Variants in TPP2 observed in about 807,000 individuals in gnomAD.
TPP2 encodes tripeptidyl peptidase 2, also known as tripeptidyl-peptidase 2.
In TPP2, 34 loss-of-function variants were observed where a neutral mutation model predicts 155.9. The ratio of observed to expected loss-of-function variants is 0.22; its 90% confidence interval spans 0.17 to 0.29. TPP2 has a LOEUF of 0.29. Ranked by LOEUF, TPP2 falls within the 10% of genes least tolerant of loss-of-function variation. The pLI, the probability that TPP2 is intolerant of heterozygous loss-of-function variation, is 1.00. For missense variants in TPP2, 1,028 were observed against 1,522.3 expected, an observed-to-expected ratio of 0.68 and a Z score of 5.40; for synonymous variants, 510 against 529.4, an observed-to-expected ratio of 0.96 and a Z score of 0.50.
chr13:102,665,724 G>T (rs1333027466), intron 27 of TPP2, among the ~76,000 whole-genome samples: 1 of 152,120 alleles, frequency 6.6e-6, no homozygotes, highest in Non-Finnish European at 1.5e-5. Context: ...GAAATATCCT[G>T]ATTCTTTTGT....
chr13:102,668,752 C>A (rs904834660), intron 27 of TPP2, among the ~76,000 whole-genome samples: 5 of 152,060 alleles, frequency 3.3e-5, no homozygotes, highest in African/African-American at 7.2e-5. Context: ...GGGTTAATAC[C>A]CAAAAGAGTT....
chr13:102,608,759 C>A (rs528325119), intron 2 of TPP2, among the ~76,000 whole-genome samples: 2 of 152,050 alleles, frequency 1.3e-5, no homozygotes, highest in African/African-American at 4.8e-5. Flanking sequence ...CTGCTTCCTC[C>A]TCTCCTTTCT....
In TPP2 at chr13:102,627,076, TG is replaced by T; in HGVS notation, c.853del (p.Val285Ter). The T allele has an allele frequency of 1.9e-6, 3 of 1,599,554 alleles. No homozygotes were observed. The highest frequency in any genetic ancestry group is 2.6e-6 in the Non-Finnish European group (3 of 1,172,988). The part of the protein sequence containing the change: ...GHFPEEPERN[G>X]VAPGAQILSI... ...ACTTTCCAGAAGAACCTGAACGGAA[TG>T]GGGTAGCTCCTGGTGCTCAAATTCT... On this transcript the variant is annotated frameshift_variant, in exon 7 of 30. Transcript: ENST00000376052. LOFTEE classifies it high-confidence loss of function.
chr13:102,642,880 G>C (rs568753938), intron 16 of TPP2, among the ~76,000 whole-genome samples: 71 of 152,280 alleles, frequency 4.7e-4, no homozygotes, highest in African/African-American at 1.6e-3. Flanking sequence ...CTGGTTTTCA[G>C]CTAAAACAAG....
chr13:102,635,603 C>T lies in TPP2; in HGVS notation c.1410C>T (p.Asn470=). 6.2e-7 allele frequency: 1 copy of T among 1,612,344 alleles called. No individual in the cohort carries two copies. Among genetic ancestry groups the T allele is most frequent in the South Asian group, 1.1e-5 (1 of 91,042 alleles). ...ALILSGLKAN[N]IDYTVHSVRR... ...TAATTTTAGGTCTGAAAGCTAATAA[C>T]ATTGACTACACAGTTCATTCAGTCA... The change falls in exon 12 of 30, where the codon AAC becomes AAT. Residue 470 remains asparagine, a synonymous_variant. Coordinates refer to ENST00000376052, the MANE Select transcript of TPP2 (RefSeq NM_001330588.2).
chr13:102,630,168 A>C lies in TPP2; in HGVS notation c.1217A>C (p.Gln406Pro). The change falls in exon 10 of 30, where the codon CAA (glutamine) becomes CCA (proline). Residue 406 changes from glutamine (Q) to proline (P), a missense_variant. Coordinates refer to ENST00000376052, the MANE Select transcript of TPP2 (RefSeq NM_001330588.2). ...CTGAGAGAGAAATTACCTGCAAATC[A>C]ATATACTTGGTCTTCTAGAGGACCT... The part of the protein sequence containing the change: ...YSLREKLPAN[Q>P]YTWSSRGPSA... 6.2e-7 allele frequency: 1 copy of C among 1,613,660 alleles called. No individual in the cohort carries two copies. Among genetic ancestry groups the C allele is most frequent in the Middle Eastern group, 1.7e-4 (1 of 6,060 alleles).
intron 28 of TPP2, among the ~76,000 whole-genome samples, chr13:102,675,379 G>C (rs1885225597): frequency 6.6e-6 from 1 of 152,188 alleles, no homozygotes; most frequent in Admixed American, 6.5e-5. Flanking sequence ...TTTGGCTCCT[G>C]CCTCTACCAC....
At chr13:102,621,457 A>T (rs1881162048) in intron 5 of TPP2, among the ~76,000 whole-genome samples, 1 of 152,150 alleles carries the variant, frequency 6.6e-6, no homozygotes. Context: ...GACTTGAAGG[A>T]TCATCACAGT....
intron 2 of TPP2, among the ~76,000 whole-genome samples, chr13:102,609,964 A>G (rs1231682202): frequency 6.6e-6 from 1 of 152,144 alleles, no homozygotes; most frequent in Admixed American, 6.6e-5. Context: ...GTGCTCTTAT[A>G]CAAATTTTCC....
At chr13:102,614,706 T>G (rs1240844815) in intron 3 of TPP2, among the ~76,000 whole-genome samples, 1 of 152,114 alleles carries the variant, frequency 6.6e-6, no homozygotes, top group Non-Finnish European at 1.5e-5. Context: ...AGTGTGCCAT[T>G]AGAAAAATAA....
chr13:102,661,728 A>G (rs1884244542), intron 25 of TPP2, among the ~76,000 whole-genome samples: 1 of 152,186 alleles, frequency 6.6e-6, no homozygotes, highest in African/African-American at 2.4e-5. Flanking sequence ...ACAATGAAAT[A>G]CAACTTCACA....
At chr13:102,664,955 A>G (rs199559723) in intron 27 of TPP2, 30 bp downstream of exon 27, 3 of 1,606,312 alleles carry the variant, frequency 1.9e-6, no homozygotes, top group East Asian at 2.2e-5. Context: ...TCTTTCTTGC[A>G]TCTCATTTCC....
intron 24 of TPP2, among the ~76,000 whole-genome samples, chr13:102,656,148 G>C (rs560783566): frequency 5.9e-5 from 9 of 152,090 alleles, no homozygotes; most frequent in African/African-American, 1.7e-4. Flanking sequence ...TTTCCAAATA[G>C]AATACAAACC....
chr13:102,646,277 T>A lies in TPP2; in HGVS notation c.2394-17T>A. 1 of 1,598,394 alleles carries A rather than the reference T, an allele frequency of 6.3e-7. No individual in the cohort carries two copies. Among genetic ancestry groups the A allele is most frequent in the Non-Finnish European group, 8.5e-7 (1 of 1,172,076 alleles). On this transcript the variant is annotated splice_polypyrimidine_tract_variant and intron_variant, in intron 19 of 29. Coordinates refer to ENST00000376052, the MANE Select transcript of TPP2 (RefSeq NM_001330588.2). Reference sequence around the variant, plus strand: ...GAACTCTTGAATCAAACCAGTTATGTAGTTTCCTCATTACAGCCCAGTGAG... The same window carrying A: ...GAACTCTTGAATCAAACCAGTTATGAAGTTTCCTCATTACAGCCCAGTGAG...
chr13:102,617,182 G>A (rs1880811537), intron 4 of TPP2, among the ~76,000 whole-genome samples: 1 of 151,902 alleles, frequency 6.6e-6, no homozygotes, highest in African/African-American at 2.4e-5. Flanking sequence ...CCAAAGTGCT[G>A]GGATTACAGG....
intron 25 of TPP2, among the ~76,000 whole-genome samples, chr13:102,662,868 A>G (rs1884324121): frequency 6.6e-6 from 1 of 152,266 alleles, no homozygotes; most frequent in East Asian, 1.9e-4. Flanking sequence ...GCGTCGGGGA[A>G]CATAGAATAA....
Position 102,643,251 on chromosome 13 carries a change from G to T in TPP2, c.2050G>T (p.Val684Leu), listed in dbSNP as rs1882887601. The change falls in exon 17 of 30, where the codon GTG (valine) becomes TTG (leucine). Residue 684 changes from valine to leucine, a missense_variant. Val to Leu is a conservative substitution (Grantham distance 32). Around this residue, in one of 7 missense-constraint regions of TPP2, gnomAD observed 325 missense variants for 463.7 expected, o/e 0.70. Coordinates refer to ENST00000376052, the MANE Select transcript of TPP2 (RefSeq NM_001330588.2). ...EVTVCSCSSE[V>L]SAKFVLHAVQ... is the part of the protein sequence containing the mutation. ...GACAGTGTGTTCGTGTTCTTCTGAGGTGTCAGCAAAGTTTGTTCTACATGC... is the reference window on the plus strand; with the variant it reads ...GACAGTGTGTTCGTGTTCTTCTGAGTTGTCAGCAAAGTTTGTTCTACATGC... The T allele has an allele frequency of 6.2e-7, 1 of 1,608,706 alleles. No individual in the cohort carries two copies. Among genetic ancestry groups the T allele is most frequent in the Middle Eastern group, 1.7e-4 (1 of 6,030 alleles).
intron 27 of TPP2, among the ~76,000 whole-genome samples, chr13:102,669,642 G>C (rs601269): frequency 0.81 from 123,741 of 152,100 alleles, 50,810 homozygotes; most frequent in African/African-American, 0.9. Context: ...GGGGACATGC[G>C]TGTGAGCTGG....
At chr13:102,610,210 CATTTATTT>C (rs937703693) in intron 2 of TPP2, among the ~76,000 whole-genome samples, 2 of 151,896 alleles carry the variant, frequency 1.3e-5, no homozygotes, top group Non-Finnish European at 2.9e-5. Context: ...TGTAGTCGTG[CATTTATTT>C]ATTTATTTAT....
Sources: gnomAD v4.1 joint callset for allele counts (sites outside exome capture counted in the v4.1 genomes callset) on GRCh38, gnomAD v4.1.1 for gene constraint, gnomAD v4.1.1 regional missense constraint, MANE v1.5 for transcripts, NCBI Gene and HGNC (gene_info 2026-07-23, HGNC 2026-07-21) for gene names.